Variants in C3orf20 observed in about 807,000 individuals in gnomAD.
The protein encoded by C3orf20 is uncharacterized protein C3orf20.
In C3orf20, 76 loss-of-function variants were observed where a neutral mutation model predicts 88.3. That is an observed-to-expected ratio of 0.86 (90% CI 0.72 to 1.04). C3orf20 has a LOEUF of 1.04. Ranked by LOEUF, C3orf20 falls within the 50% of genes least tolerant of loss-of-function variation. The pLI is 0.00. For missense variants in C3orf20, 1,056 were observed against 1,123.3 expected (o/e 0.94, Z 0.86); for synonymous variants, 436 against 437.4 (o/e 1.00, Z 0.04).
At chr3:14,738,071 A>G (rs2034775441) in intron 12 of C3orf20, among the ~76,000 whole-genome samples, 1 of 150,632 alleles carries the variant, frequency 6.6e-6, no homozygotes, top group African/African-American at 2.4e-5. Flanking sequence ...GGAGTCTTGA[A>G]CTCCTCAGAG....
chr3:14,740,090 A>C (rs2034856167), intron 12 of C3orf20, among the ~76,000 whole-genome samples: 1 of 152,168 alleles, frequency 6.6e-6, no homozygotes, highest in South Asian at 2.1e-4. Context: ...TTGCATTCAC[A>C]ACTTGGCTGA....
At chr3:14,695,208 A>G (rs921812142) in intron 5 of C3orf20, among the ~76,000 whole-genome samples, 2 of 152,214 alleles carry the variant, frequency 1.3e-5, no homozygotes, top group Non-Finnish European at 1.5e-5. Flanking sequence ...TTTTGCTTCA[A>G]GAATTTTTAA....
intron 5 of C3orf20, among the ~76,000 whole-genome samples, chr3:14,694,115 T>C (rs2032862049): frequency 6.6e-6 from 1 of 152,226 alleles, no homozygotes; most frequent in African/African-American, 2.4e-5. Context: ...TGAGGATTTT[T>C]GCACCAGTAT....
At chr3:14,707,960 C>T (rs1465515217) in intron 7 of C3orf20, among the ~76,000 whole-genome samples, 1 of 151,746 alleles carries the variant, frequency 6.6e-6, no homozygotes, top group East Asian at 1.9e-4. Flanking sequence ...GCTGGGATTA[C>T]AGGTATGCAC....
intron 9 of C3orf20, 57 bp from the exon 10 acceptor site, chr3:14,721,596 G>C: frequency 6.3e-7 from 1 of 1,598,290 alleles, no homozygotes. Context: ...GGGTCAGGAA[G>C]GGGTGGCTGG....
intron 9 of C3orf20, among the ~76,000 whole-genome samples, chr3:14,719,885 A>G (rs1040413850): frequency 2.6e-5 from 4 of 152,172 alleles, no homozygotes; most frequent in Non-Finnish European, 4.4e-5. Flanking sequence ...AAATTGCCCA[A>G]CTGGTAAATG....
chr3:14,751,668 G>A (rs928480575), intron 12 of C3orf20, among the ~76,000 whole-genome samples: 1 of 152,122 alleles, frequency 6.6e-6, no homozygotes, highest in South Asian at 2.1e-4. Context: ...AAAATCACAA[G>A]CATTCCTATA....
intron 15 of C3orf20, among the ~76,000 whole-genome samples, chr3:14,763,868 AGCTCTGGTCTCC>A (rs2035627608): frequency 6.6e-6 from 1 of 152,190 alleles, no homozygotes; most frequent in Non-Finnish European, 1.5e-5. Flanking sequence ...CATTAAAATG[AGCTCTGGTCTCC>A]TAATGTGTTA....
At position 14,728,491 on chromosome 3, in the gene C3orf20, G is replaced by A; in HGVS notation, c.1743G>A (p.Arg581=). 6.2e-7 allele frequency: 1 copy of A among 1,614,182 alleles called. No individual in the cohort carries two copies. Residue 581 remains arginine (R), a synonymous_variant, in exon 12 of 17, where the codon CGG becomes CGA. Coordinates refer to ENST00000253697, the MANE Select transcript of C3orf20 (RefSeq NM_032137.5). Reference sequence around the variant, plus strand: ...AAAAGGAGGAGGAAGAATTTGTTCGGTTCAAGATGAGATCCAGAACTCATC... The same window carrying A: ...AAAAGGAGGAGGAAGAATTTGTTCGATTCAAGATGAGATCCAGAACTCATC... ...PTKKEEEEFV[R]FKMRSRTHPE... is the part of the protein sequence containing the mutation.
intron 15 of C3orf20, among the ~76,000 whole-genome samples, chr3:14,762,476 T>C (rs1211033824): frequency 1.3e-5 from 2 of 152,214 alleles, no homozygotes; most frequent in Non-Finnish European, 2.9e-5. Flanking sequence ...TGAGAATGCC[T>C]GGGCAGCACG....
In C3orf20 at chr3:14,756,927, C is replaced by G. The variant is rs190717259; in HGVS notation, c.1941-444C>G. Among the ~76,000 whole-genome samples, 434 of 152,158 alleles carry G rather than the reference C, an allele frequency of 2.9e-3. 1 individual carries two copies. Among genetic ancestry groups the G allele is most frequent in the Non-Finnish European group, 4.3e-3 (293 of 67,996 alleles). On this transcript the variant is annotated intron_variant, in intron 12 of 16. Transcript: ENST00000253697. ...GTCTGAGAACAGACTGAAGACAGGC[C>G]AGGGAAGAAAACACAGGACCCATTA... is the stretch of plus-strand genomic sequence containing the variant.
intron 12 of C3orf20, among the ~76,000 whole-genome samples, chr3:14,738,738 T>TCAAGAGACTCTCCTGCCTC (rs1553615385): frequency 7.0e-6 from 1 of 143,494 alleles, no homozygotes; most frequent in Non-Finnish European, 1.5e-5. Context: ...GCTCCTGGGT[T>TCAAGAGACTCTCCTGCCTC]CAAGCGACTC....
At chr3:14,742,625 C>G (rs2034937126) in intron 12 of C3orf20, among the ~76,000 whole-genome samples, 2 of 152,150 alleles carry the variant, frequency 1.3e-5, no homozygotes, top group South Asian at 4.1e-4. Flanking sequence ...TTGAGACTTT[C>G]AAAATTTCAG....
chr3:14,710,225 T>G (rs985791449), intron 7 of C3orf20, among the ~76,000 whole-genome samples: 1 of 152,040 alleles, frequency 6.6e-6, no homozygotes, highest in Non-Finnish European at 1.5e-5. Flanking sequence ...TCATTTCTGA[T>G]TTTAGGAATT....
At chr3:14,719,092 C>CATTT (rs1320296152) in intron 9 of C3orf20, among the ~76,000 whole-genome samples, 1 of 149,876 alleles carries the variant, frequency 6.7e-6, no homozygotes, top group Non-Finnish European at 1.5e-5. Context: ...AGTCTGCCTG[C>CATTT]ATTTGTTCAC....
intron 15 of C3orf20, among the ~76,000 whole-genome samples, chr3:14,769,023 CT>C (rs1270023803): frequency 6.6e-6 from 1 of 152,068 alleles, no homozygotes; most frequent in Non-Finnish European, 1.5e-5. Flanking sequence ...TCACGATCCT[CT>C]GATGTCCCCA....
At chr3:14,753,126 G>A (rs1037456533) in intron 12 of C3orf20, among the ~76,000 whole-genome samples, 10 of 152,074 alleles carry the variant, frequency 6.6e-5, no homozygotes, top group African/African-American at 2.4e-4. Flanking sequence ...AAGAAAATGT[G>A]GCACATATAC....
intron 12 of C3orf20, 93 bp from the exon 13 acceptor site, chr3:14,757,278 A>AG (rs2035401311): frequency 9.0e-7 from 1 of 1,113,110 alleles, no homozygotes; most frequent in Non-Finnish European, 1.3e-6. Flanking sequence ...TGCCTGCAGC[A>AG]GGGCCTTTGA....
intron 10 of C3orf20, 26 bp from the exon 11 acceptor site, chr3:14,726,875 C>A: frequency 6.2e-7 from 1 of 1,613,306 alleles, no homozygotes; most frequent in Non-Finnish European, 8.5e-7. Flanking sequence ...ATGGTGACAC[C>A]CGCCCTCCCC....
Sources: gnomAD v4.1 joint callset for allele counts (sites outside exome capture counted in the v4.1 genomes callset) on GRCh38, gnomAD v4.1.1 for gene constraint, MANE v1.5 for transcripts, NCBI Gene and HGNC (gene_info 2026-07-23, HGNC 2026-07-21) for gene names.